Variants in TSEN2 observed in about 807,000 individuals in gnomAD.
TSEN2 encodes the protein tRNA splicing endonuclease subunit 2, also known as tRNA-splicing endonuclease subunit Sen2.
Under a neutral mutation model 59.2 loss-of-function variants are expected in TSEN2, and 54 were observed. The observed-to-expected ratio is 0.91, with a 90% CI of 0.73 to 1.14. The LOEUF (loss-of-function observed/expected upper bound fraction) is 1.14. Ranked by LOEUF, TSEN2 falls within the 50% of genes most tolerant of loss-of-function variation. TSEN2 has a pLI of 0.00. For synonymous variants in TSEN2, 195 were observed against 198.2 expected (o/e 0.98, Z 0.14); for missense variants, 636 against 576.2 (o/e 1.10, Z -1.06).
chr3:12,499,318 CTA>C (rs1313339957), intron 4 of TSEN2, among the ~76,000 whole-genome samples: 1 of 152,174 alleles, frequency 6.6e-6, no homozygotes, highest in Non-Finnish European at 1.5e-5. Context: ...CCAGAATTCA[CTA>C]TGTGTCAGGC....
chr3:12,490,504 T>G (rs1409219543), intron 2 of TSEN2, among the ~76,000 whole-genome samples: 1 of 152,206 alleles, frequency 6.6e-6, no homozygotes, highest in African/African-American at 2.4e-5. Context: ...TTTACTGTTT[T>G]CCAGCATTGA....
At chr3:12,519,280 G>A (rs1575412702) in intron 8 of TSEN2, 83 bp downstream of exon 8, 2 of 1,554,126 alleles carry the variant, frequency 1.3e-6, no homozygotes, top group Admixed American at 3.3e-5. Context: ...CTTGTGTGCT[G>A]TTGATGATGT....
Position 12,529,841 on chromosome 3 carries a change from G to A in TSEN2, c.1216G>A (p.Ala406Thr). 1 of 1,614,058 alleles carries A rather than the reference G, an allele frequency of 6.2e-7. No homozygotes were observed. Among genetic ancestry groups the A allele is most frequent in the East Asian group, 2.2e-5 (1 of 44,872 alleles). The change falls in exon 10 of 12, where the codon GCC (alanine) becomes ACC (threonine). Residue 406 changes from alanine to threonine, a missense_variant. Ala to Thr is a moderately conservative substitution (Grantham distance 58). Transcript: ENST00000284995. ...GCCTCTCAGTTGGAAGTCCCTGGCT[G>A]CCTTGAGCAGAGTTTCCGTTAATGT... is the stretch of plus-strand genomic sequence containing the variant. ...RRPLSWKSLA[A>T]LSRVSVNVSK...
At chr3:12,493,055 C>G (rs1039944634) in intron 3 of TSEN2, among the ~76,000 whole-genome samples, 3 of 152,150 alleles carry the variant, frequency 2.0e-5, no homozygotes, top group African/African-American at 7.2e-5. Flanking sequence ...GTGTCTGTTG[C>G]TTTCACTTAG....
chr3:12,486,737 G>T (rs1046311868), intron 1 of TSEN2, among the ~76,000 whole-genome samples: 3 of 151,978 alleles, frequency 2.0e-5, no homozygotes, highest in Non-Finnish European at 4.4e-5. Flanking sequence ...ACTTTTCCCT[G>T]TCTCTGGCAA....
At position 12,489,812 on chromosome 3, in the gene TSEN2, A is replaced by G. The variant is rs1163220367; in HGVS notation, c.12A>G (p.Ala4=). MAE[A]VFHAPKRKRR... ...ACCTCCTCTGAAAAATGGCAGAAGC[A>G]GTTTTCCATGCCCCAAAGAGGAAAA... Residue 4 remains alanine, a synonymous_variant, in exon 2 of 12, where the codon GCA becomes GCG. Transcript: ENST00000284995. 6.2e-7 allele frequency: 1 copy of G among 1,613,614 alleles called. No homozygotes were observed. Among genetic ancestry groups the G allele is most frequent in the African/African-American group, 1.3e-5 (1 of 75,040 alleles).
chr3:12,496,237 C>T (rs1426025824), intron 3 of TSEN2, among the ~76,000 whole-genome samples: 3 of 152,220 alleles, frequency 2.0e-5, no homozygotes, highest in African/African-American at 4.8e-5. Context: ...GAGGTTTCCT[C>T]CTGTGCTGTT....
intron 6 of TSEN2, among the ~76,000 whole-genome samples, chr3:12,514,473 C>T (rs1341431068): frequency 2.6e-5 from 4 of 151,984 alleles, no homozygotes; most frequent in African/African-American, 9.7e-5. Context: ...GTAGAGGGCT[C>T]AGAACAGGGA....
chr3:12,534,933 T>A (rs962003158), downstream of TSEN2, among the ~76,000 whole-genome samples: 2 of 151,996 alleles, frequency 1.3e-5, no homozygotes, highest in Non-Finnish European at 2.9e-5. Flanking sequence ...ATCAAGCCAC[T>A]GCACTCCAGC....
At position 12,505,138 on chromosome 3, in the gene TSEN2, A is replaced by G. The variant is rs776199841; in HGVS notation, c.832-16A>G. On this transcript the variant is annotated splice_polypyrimidine_tract_variant and intron_variant, in intron 5 of 11. Transcript: ENST00000284995. Reference sequence around the variant, plus strand: ...CTTCCATTTGTTCTGTATATATTGTATTTCTTTCTCTTTAGTTGGTGCAAA... The same window carrying G: ...CTTCCATTTGTTCTGTATATATTGTGTTTCTTTCTCTTTAGTTGGTGCAAA... 3 of 1,502,304 alleles carry G rather than the reference A, an allele frequency of 2.0e-6. No individual in the cohort carries two copies. Among genetic ancestry groups the G allele is most frequent in the Non-Finnish European group, 2.8e-6 (3 of 1,078,172 alleles). 93.1% of individuals were successfully genotyped at this position (1,502,304 alleles called of 1,614,324 possible). A position where few individuals can be genotyped will look rare whatever the true frequency, so the allele number is the denominator to read the frequency against.
At chr3:12,496,188 C>T (rs2053730131) in intron 3 of TSEN2, among the ~76,000 whole-genome samples, 1 of 152,216 alleles carries the variant, frequency 6.6e-6, no homozygotes, top group South Asian at 2.1e-4. Context: ...CCTCAGCATT[C>T]TCATTTGGAA....
chr3:12,537,424 A>G (rs1272803589), downstream of TSEN2, among the ~76,000 whole-genome samples: 1 of 152,180 alleles, frequency 6.6e-6, no homozygotes, highest in East Asian at 1.9e-4. Context: ...ATGAAAAAGA[A>G]AAGAGCTGCA....
chr3:12,487,383 G>C (rs1179938164), intron 1 of TSEN2, among the ~76,000 whole-genome samples: 3 of 152,214 alleles, frequency 2.0e-5, no homozygotes, highest in Non-Finnish European at 4.4e-5. Context: ...GCCTTTTTTA[G>C]ATGTGACAGC....
chr3:12,493,724 T>A (rs1056227788), intron 3 of TSEN2, among the ~76,000 whole-genome samples: 2 of 152,106 alleles, frequency 1.3e-5, no homozygotes, highest in African/African-American at 4.8e-5. Flanking sequence ...AAGACTCCGT[T>A]TCTAAATAAA....
chr3:12,494,166 A>G (rs368554590), intron 3 of TSEN2, among the ~76,000 whole-genome samples: 11 of 152,248 alleles, frequency 7.2e-5, no homozygotes, highest in Non-Finnish European at 1.6e-4. Context: ...TTCATGCAAC[A>G]CTGTAATATC....
chr3:12,499,608 A>G (rs578036376), intron 4 of TSEN2, among the ~76,000 whole-genome samples: 80 of 152,130 alleles, frequency 5.3e-4, no homozygotes, highest in Non-Finnish European at 9.9e-4. Flanking sequence ...GTAGATGGGG[A>G]CTCAGGGGAG....
chr3:12,529,716 A>T, intron 9 of TSEN2, 46 bp from the exon 10 acceptor site: 1 of 1,549,888 alleles, frequency 6.5e-7, no homozygotes, highest in Middle Eastern at 1.7e-4. Flanking sequence ...TTTTAAACAG[A>T]TTTATTTCAT....
At position 12,513,032 on chromosome 3, in the gene TSEN2, C is replaced by T. The variant is rs537273337; in HGVS notation, c.910-3579C>T. ...GATTGTCAACCTCTACAGACCTCTC[C>T]AGTCTACTGATAATTTAATTTTAAA... On this transcript the variant is annotated intron_variant, in intron 6 of 11. Transcript: ENST00000284995. Among the ~76,000 whole-genome samples the T allele has an allele frequency of 2.6e-5, 4 of 152,272 alleles. No individual in the cohort carries two copies. In the South Asian group the frequency reaches 8.3e-4, roughly 32 times the overall value.
chr3:12,490,161 C>T (rs1356740658), intron 2 of TSEN2, among the ~76,000 whole-genome samples, 172 bp downstream of exon 2: 3 of 152,132 alleles, frequency 2.0e-5, no homozygotes, highest in Admixed American at 6.5e-5. Context: ...GCCCAAAAGC[C>T]ATATGTTAGG....
Sources: gnomAD v4.1 joint callset for allele counts (sites outside exome capture counted in the v4.1 genomes callset) on GRCh38, gnomAD v4.1.1 for gene constraint, MANE v1.5 for transcripts, NCBI Gene and HGNC (gene_info 2026-07-23, HGNC 2026-07-21) for gene names.